Variants in ARHGEF12 observed in about 807,000 individuals in gnomAD.
ARHGEF12 encodes KMT2A/ARHGEF12 fusion protein.
Under a neutral mutation model 211.2 loss-of-function variants are expected in ARHGEF12, and 66 were observed. The ratio of observed to expected loss-of-function variants is 0.31; its 90% CI spans 0.26 to 0.38. The LOEUF (loss-of-function observed/expected upper bound fraction) is 0.38. ARHGEF12 is among the 10% of genes least tolerant of loss of function. The pLI, the probability that ARHGEF12 is intolerant of heterozygous loss-of-function variation, is 1.00. For missense variants in ARHGEF12, 1,429 were observed against 1,869.5 expected (o/e 0.76, Z 4.34); for synonymous variants, 592 against 638.4 (o/e 0.93, Z 1.09).
intron 7 of ARHGEF12, 119 bp downstream of exon 7, chr11:120,424,534 C>CA: frequency 1.5e-6 from 1 of 666,988 alleles, no homozygotes; most frequent in Non-Finnish European, 2.5e-6. Context: ...ATATAGTCTA[C>CA]TGCCGACTCT....
Position 120,480,285 on chromosome 11 carries a change from G to A in ARHGEF12, c.4092G>A (p.Glu1364=). 6.2e-7 allele frequency: 1 copy of A among 1,614,206 alleles called. No individual in the cohort carries two copies. Among genetic ancestry groups the A allele is most frequent in the Non-Finnish European group, 8.5e-7 (1 of 1,180,038 alleles). The change falls in exon 38 of 41, where the codon GAG becomes GAA. Residue 1364 remains glutamate (E), a synonymous_variant. Coordinates refer to ENST00000397843, the MANE Select transcript of ARHGEF12 (RefSeq NM_015313.3). ...LVMDHMIMTP[E]MPTMEPEGGL... ...TGGACCACATGATTATGACCCCAGA[G>A]ATGCCTACCATGGAGCCAGAAGGGG...
chr11:120,447,756 C>T, intron 18 of ARHGEF12, 118 bp from the exon 19 acceptor site: 1 of 634,806 alleles, frequency 1.6e-6, no homozygotes, highest in South Asian at 2.0e-5. Flanking sequence ...GCGGAGGTTG[C>T]AGTGAGCCAG....
At chr11:120,453,502 T>C (rs1946272031) in intron 22 of ARHGEF12, among the ~76,000 whole-genome samples, 1 of 152,118 alleles carries the variant, frequency 6.6e-6, no homozygotes, top group South Asian at 2.1e-4. Context: ...GGAGGATTGC[T>C]TGAGCCTAGA....
In ARHGEF12 at chr11:120,429,466, G is replaced by T; in HGVS notation, c.612G>T (p.Gln204His). ...MGEENNVVHNQKVEILRKMLQ... is the reference protein window; with the variant it reads ...MGEENNVVHNHKVEILRKMLQ... ...AGGAAAACAATGTGGTTCATAACCAGAAAGTAGAAATTCTGAGAAAAATGT... is the reference window on the plus strand; with the variant it reads ...AGGAAAACAATGTGGTTCATAACCATAAAGTAGAAATTCTGAGAAAAATGT... The change falls in exon 9 of 41, where the codon CAG becomes CAT. Residue 204 changes from glutamine to histidine, a missense_variant. Gln to His is a conservative substitution (Grantham distance 24). Transcript: ENST00000397843. 3 of 1,613,620 alleles carry T rather than the reference G, an allele frequency of 1.9e-6. No individual in the cohort carries two copies. The highest frequency in any genetic ancestry group is 2.5e-6 in the Non-Finnish European group (3 of 1,179,784).
At position 120,448,353 on chromosome 11, in the gene ARHGEF12, G is replaced by C. The variant is rs369074890; in HGVS notation, c.1737+5G>C. 3.1e-6 allele frequency: 5 copies of C among 1,610,440 alleles called. No individual in the cohort carries two copies. Among genetic ancestry groups the C allele is most frequent in the Non-Finnish European group, 4.2e-6 (5 of 1,176,782 alleles). ...GGATTTCTTCCCAAAATCAAGGTAA[G>C]AATGAAATAATGTAATAGCATGTTC... is the stretch of plus-strand genomic sequence containing the variant. On this transcript the variant is annotated splice_donor_5th_base_variant and intron_variant, in intron 20 of 40. Coordinates refer to ENST00000397843, the MANE Select transcript of ARHGEF12 (RefSeq NM_015313.3).
In ARHGEF12 at chr11:120,477,219, C is replaced by T. The variant is rs375612201; in HGVS notation, c.3366C>T (p.Val1122=). The change falls in exon 35 of 41, where the codon GTC becomes GTT. Residue 1122 remains valine, a splice_region_variant and synonymous_variant. Coordinates refer to ENST00000397843, the MANE Select transcript of ARHGEF12 (RefSeq NM_015313.3). ...LVAQTVSEKT[V]WQDLICRMAA... ...TGGATTTCTTTCCAACTTTCTGAAG[C>T]TGGCAGGACCTAATCTGTCGGATGG... 3.5e-5 allele frequency: 56 copies of T among 1,613,400 alleles called. No individual in the cohort carries two copies. In the African/African-American group the frequency reaches 6.1e-4, roughly 18 times the overall value.
intron 22 of ARHGEF12, among the ~76,000 whole-genome samples, chr11:120,453,217 A>G (rs538244766): frequency 6.6e-6 from 1 of 152,252 alleles, no homozygotes; most frequent in African/African-American, 2.4e-5. Context: ...ATTTGGAGAA[A>G]ATTCTGGGGA....
At chr11:120,408,585 G>A (rs1332107880) in intron 3 of ARHGEF12, 3 of 151,708 alleles carry the variant, frequency 2.0e-5, no homozygotes, top group African/African-American at 4.8e-5. Flanking sequence ...AGTAAATCCC[G>A]CTATCTCAGA....
intron 37 of ARHGEF12, 33 bp downstream of exon 37, chr11:120,478,422 T>C (rs1410331325): frequency 6.3e-7 from 1 of 1,575,664 alleles, no homozygotes; most frequent in Non-Finnish European, 8.7e-7. Context: ...TACAGATACT[T>C]ACTAAGTATG....
At chr11:120,376,036 T>C (rs1173542761) in intron 1 of ARHGEF12, among the ~76,000 whole-genome samples, 1 of 152,194 alleles carries the variant, frequency 6.6e-6, no homozygotes, top group Non-Finnish European at 1.5e-5. Context: ...TACTTACCGC[T>C]AACATGATAT....
intron 6 of ARHGEF12, 40 bp from the exon 7 acceptor site, chr11:120,424,318 T>C: frequency 2.0e-6 from 3 of 1,473,620 alleles, no homozygotes; most frequent in East Asian, 2.3e-5. Flanking sequence ...ATTGTCTCAA[T>C]AGAATGTATC....
At chr11:120,386,006 C>T (rs1944020114) in intron 1 of ARHGEF12, among the ~76,000 whole-genome samples, 1 of 152,118 alleles carries the variant, frequency 6.6e-6, no homozygotes, top group African/African-American at 2.4e-5. Context: ...GAGTAACCTT[C>T]CTGTTTTTGC....
chr11:120,367,941 A>G (rs899004803), intron 1 of ARHGEF12, among the ~76,000 whole-genome samples: 2 of 152,114 alleles, frequency 1.3e-5, no homozygotes, highest in Admixed American at 6.5e-5. Flanking sequence ...TGATCGTGCC[A>G]CTGCACCCCA....
chr11:120,463,125 G>A (rs1946584473), intron 27 of ARHGEF12: 1 of 152,244 alleles, frequency 6.6e-6, no homozygotes, highest in Admixed American at 6.5e-5. Context: ...GGTAGGTTCA[G>A]TGTATTAAAT....
Position 120,451,636 on chromosome 11 carries a change from A to G in ARHGEF12, c.1968A>G (p.Thr656=), listed in dbSNP as rs1319794721. 1.9e-6 allele frequency: 3 copies of G among 1,614,152 alleles called. No homozygotes were observed. The highest frequency in any genetic ancestry group is 3.3e-5 in the Admixed American group (2 of 60,020). ...LRQSGLANEG[T]DAGYLPANSM... is the part of the protein sequence containing the mutation. The stretch of plus-strand genomic sequence containing the variant: ...AGAGTGGGTTAGCAAATGAAGGAAC[A>G]GACGCTGGATACCTGCCTGCCAATT... Residue 656 remains threonine (T), a synonymous_variant, in exon 22 of 41, where the codon ACA becomes ACG. Transcript: ENST00000397843.
At chr11:120,368,900 A>G (rs1316982409) in intron 1 of ARHGEF12, among the ~76,000 whole-genome samples, 1 of 151,820 alleles carries the variant, frequency 6.6e-6, no homozygotes, top group Non-Finnish European at 1.5e-5. Context: ...TCCACCCTCA[A>G]ATAGGCCCCA....
In ARHGEF12 at chr11:120,420,746, T is replaced by C. The variant is rs1349605507; in HGVS notation, c.200-7T>C. 2 of 1,612,800 alleles carry C rather than the reference T, an allele frequency of 1.2e-6. No homozygotes were observed. The highest frequency in any genetic ancestry group is 2.2e-5 in the East Asian group (1 of 44,862). On this transcript the variant is annotated splice_region_variant and splice_polypyrimidine_tract_variant and intron_variant, in intron 4 of 40. Transcript: ENST00000397843. ...CCTTCTTGTTTTACACTGTGGTTCT[T>C]GTGCAGGTCTTGTTCAGCGTTGCGT...
chr11:120,453,022 A>C (rs565607998), intron 22 of ARHGEF12, among the ~76,000 whole-genome samples: 1 of 152,026 alleles, frequency 6.6e-6, no homozygotes, highest in East Asian at 1.9e-4. Context: ...CAAAAACAAA[A>C]AAAAACGACA....
chr11:120,440,042 C>A, intron 12 of ARHGEF12, 87 bp from the exon 13 acceptor site: 1 of 892,714 alleles, frequency 1.1e-6, no homozygotes, highest in Non-Finnish European at 1.8e-6. Context: ...TTAAGTGAAC[C>A]ATGTCTTTTT....
Sources: allele counts gnomAD v4.1 joint callset (sites outside exome capture counted in the v4.1 genomes callset), GRCh38; gene constraint gnomAD v4.1.1; transcripts MANE v1.5; gene names NCBI Gene and HGNC (gene_info 2026-07-23, HGNC 2026-07-21).